The following SLX4 variants were observed in gnomAD, a reference collection of about 807,000 sequenced individuals.
The protein encoded by SLX4 is structure-specific endonuclease subunit SLX4.
Under a neutral mutation model 146.2 loss-of-function variants are expected in SLX4, and 112 were observed. The observed-to-expected ratio is 0.77, with a 90% CI of 0.66 to 0.90. SLX4 has a LOEUF of 0.90. Ranked by LOEUF, SLX4 falls within the 40% of genes least tolerant of loss-of-function variation. The pLI is 0.00. For synonymous variants in SLX4, 1,061 were observed against 997.7 expected (o/e 1.06, Z -1.20); for missense variants, 2,563 against 2,392.7 (o/e 1.07, Z -1.49).
At position 3,583,526 on chromosome 16, in the gene SLX4, G is replaced by A. The variant is rs1211075796; in HGVS notation, c.4740-16C>T. On this transcript the variant is annotated splice_polypyrimidine_tract_variant and intron_variant, in intron 13 of 14. Coordinates refer to ENST00000294008, the MANE Select transcript of SLX4 (RefSeq NM_032444.4). ...GACTCCAAACCTGACGGAGGAACAG[G>A]TGGATCTCAGGACCCACCCACACAG... 1 of 1,613,772 alleles carries A rather than the reference G, an allele frequency of 6.2e-7. No homozygotes were observed.
chr16:3,583,432 C>G lies in SLX4; in HGVS notation c.4818G>C (p.Leu1606=), dbSNP rs2151117040. The G allele has an allele frequency of 6.2e-7, 1 of 1,614,078 alleles. No homozygotes were observed. The highest frequency in any genetic ancestry group is 8.5e-7 in the Non-Finnish European group (1 of 1,179,984). Residue 1606 remains leucine (L), a synonymous_variant, in exon 14 of 15, where the codon CTG becomes CTC. Coordinates refer to ENST00000294008, the MANE Select transcript of SLX4 (RefSeq NM_032444.4). ...KEIFQYTHQT[L]DSDSEDESQS... is the part of the protein sequence containing the mutation. ...GGCTCTCGTCCTCGGAGTCTGAGTC[C>G]AGGGTCTGGTGAGTGTACTGGAATA...
chr16:3,585,090 C>T (rs568742470), intron 12 of SLX4, among the ~76,000 whole-genome samples: 4 of 152,270 alleles, frequency 2.6e-5, no homozygotes, highest in East Asian at 1.9e-4. Flanking sequence ...TTGTATAACA[C>T]GGGTGCCGGG....
At chr16:3,587,236 C>T (rs750956360) in intron 12 of SLX4, among the ~76,000 whole-genome samples, 1 of 152,206 alleles carries the variant, frequency 6.6e-6, no homozygotes, top group Non-Finnish European at 1.5e-5. Context: ...GTGGCTCACG[C>T]CTGTAATCCC....
Position 3,590,462 on chromosome 16 carries a change from G to T in SLX4, c.3176C>A (p.Pro1059His), listed in dbSNP as rs2151124146. 1 of 1,614,162 alleles carries T rather than the reference G, an allele frequency of 6.2e-7. No individual in the cohort carries two copies. The highest frequency in any genetic ancestry group is 8.5e-7 in the Non-Finnish European group (1 of 1,180,004). ...HHTSGSSLST[P>H]RSRGGTSQVG... is the part of the protein sequence containing the mutation. ...CTGGGAAGTTCCGCCACGGGACCGGGGTGTTGACAGGGACGACCCACTTGT... is the reference window on the plus strand; with the variant it reads ...CTGGGAAGTTCCGCCACGGGACCGGTGTGTTGACAGGGACGACCCACTTGT... The change falls in exon 12 of 15, where the codon CCC (proline) becomes CAC (histidine). Residue 1059 changes from proline (P) to histidine (H), a missense_variant. Physicochemically the swap from Pro to His is moderately conservative, Grantham distance 77. Coordinates refer to ENST00000294008, the MANE Select transcript of SLX4 (RefSeq NM_032444.4). The surrounding 1 kb of genome is among the most constrained non-coding windows in gnomAD (Gnocchi z 4.8).
Position 3,601,061 on chromosome 16 carries a change from C to T in SLX4, c.1081G>A (p.Glu361Lys). ...TGAAGCAGGAGCTGGGGGCCAACCT[C>T]CATCTTCACAGCACACTGCTTCAAG... The part of the protein sequence containing the change: ...SHLKQCAVKM[E>K]VGPQLLLQAV... Residue 361 changes from glutamate to lysine, a missense_variant, in exon 5 of 15, where the codon GAG (glutamate) becomes AAG (lysine). Glu to Lys is a moderately conservative substitution (Grantham distance 56). Transcript: ENST00000294008. 1.9e-6 allele frequency: 3 copies of T among 1,613,904 alleles called. No individual in the cohort carries two copies. The highest frequency in any genetic ancestry group is 2.5e-6 in the Non-Finnish European group (3 of 1,179,964).
At chr16:3,606,746 T>TA in intron 2 of SLX4, 48 bp from the exon 3 acceptor site, 1 of 1,600,054 alleles carries the variant, frequency 6.2e-7, no homozygotes, top group Non-Finnish European at 8.6e-7. Flanking sequence ...GCTGGAGAAA[T>TA]AAAAGACTTT....
Position 3,597,582 on chromosome 16 carries a change from C to T in SLX4, c.1480G>A (p.Glu494Lys), listed in dbSNP as rs2040677080. 1 of 1,614,196 alleles carries T rather than the reference C, an allele frequency of 6.2e-7. No individual in the cohort carries two copies. The highest frequency in any genetic ancestry group is 8.5e-7 in the Non-Finnish European group (1 of 1,180,054). Reference sequence around the variant, plus strand: ...GGTGGCGTGCTAGACAATTCCACTTCCTCAGAGAGGAGCAGGGCCACACGG... The same window carrying T: ...GGTGGCGTGCTAGACAATTCCACTTTCTCAGAGAGGAGCAGGGCCACACGG... ...EDRVALLLSE[E>K]VELSSTPPLP... Residue 494 changes from glutamate to lysine, a missense_variant, in exon 7 of 15, where the codon GAA becomes AAA. Coordinates refer to ENST00000294008, the MANE Select transcript of SLX4 (RefSeq NM_032444.4). This position sits in a 1 kb window ranked among gnomAD's most constrained non-coding sequence, Gnocchi z 4.4.
chr16:3,605,340 C>T (rs747955200), intron 3 of SLX4, among the ~76,000 whole-genome samples: 14 of 152,048 alleles, frequency 9.2e-5, no homozygotes, highest in African/African-American at 1.9e-4. Context: ...CTGCGCACCT[C>T]GGCCTCCCAA....
intron 12 of SLX4, among the ~76,000 whole-genome samples, chr16:3,587,536 C>G (rs534138853): frequency 1.3e-5 from 2 of 152,278 alleles, no homozygotes; most frequent in Admixed American, 1.3e-4. Context: ...GCCCTTTGAG[C>G]CCCCGATGAA....
Position 3,596,318 on chromosome 16 carries a change from G to A in SLX4, c.1759C>T (p.Leu587Phe), listed in dbSNP as rs1160606336. The A allele has an allele frequency of 6.3e-7, 1 of 1,582,294 alleles. No individual in the cohort carries two copies. Among genetic ancestry groups the A allele is most frequent in the Admixed American group, 1.8e-5 (1 of 55,278 alleles). ...CAGCCTGCAGTGGGGGTGCCGTGGA[G>A]AGCGGGTGACCTTCGCTCGCTCAGC... ...SELSERRSPALHGTPTAGCGS... is the reference protein window; with the variant it reads ...SELSERRSPAFHGTPTAGCGS... The change falls in exon 8 of 15, where the codon CTC (leucine) becomes TTC (phenylalanine). Residue 587 changes from leucine to phenylalanine, a missense_variant. Physicochemically the swap from Leu to Phe is conservative, Grantham distance 22 (BLOSUM62 0). Coordinates refer to ENST00000294008, the MANE Select transcript of SLX4 (RefSeq NM_032444.4).
rs759305861 is a variant in SLX4, at chr16:3,583,380, G to C, written c.4870C>G (p.Pro1624Ala). 1.0e-4 allele frequency: 166 copies of C among 1,613,014 alleles called. No individual in the cohort carries two copies. The highest frequency in any genetic ancestry group is 1.3e-4 in the Non-Finnish European group (150 of 1,179,206). The part of the protein sequence containing the change: ...SQSSQPLLQA[P>A]HCQTLASQTY... ...TGGGAGGCGAGGGTCTGGCAGTGAG[G>C]CGCCTGCAACAGCGGCTGTGAGGAC... Residue 1624 changes from proline (P) to alanine (A), a missense_variant, in exon 14 of 15, where the codon CCT becomes GCT. Physicochemically the swap from Pro to Ala is conservative, Grantham distance 27. Coordinates refer to ENST00000294008, the MANE Select transcript of SLX4 (RefSeq NM_032444.4).
At chr16:3,610,779 G>A (rs1392028538) in intron 1 of SLX4, among the ~76,000 whole-genome samples, 1 of 152,180 alleles carries the variant, frequency 6.6e-6, no homozygotes, top group Non-Finnish European at 1.5e-5. Context: ...TGAAATAAGT[G>A]CTCCACAACT....
In SLX4 at chr16:3,590,603, C is replaced by A; in HGVS notation, c.3035G>T (p.Arg1012Met). 1.2e-6 allele frequency: 2 copies of A among 1,613,854 alleles called. No homozygotes were observed. The highest frequency in any genetic ancestry group is 1.7e-6 in the Non-Finnish European group (2 of 1,179,758). Residue 1012 changes from arginine to methionine, a missense_variant, in exon 12 of 15, where the codon AGG becomes ATG. Physicochemically the swap from Arg to Met is moderately conservative, Grantham distance 91 (BLOSUM62 -1). Coordinates refer to ENST00000294008, the MANE Select transcript of SLX4 (RefSeq NM_032444.4). This position sits in a 1 kb window ranked among gnomAD's most constrained non-coding sequence, Gnocchi z 4.8. ...SEPEEQSGAV[R>M]ERGLEVSHRL... ...ATGAGAAACCTCCAGCCCCCTTTCC[C>A]TGACAGCGCCACTTTGTTCCTCGGG...
chr16:3,584,129 A>G (rs567718133), intron 13 of SLX4, among the ~76,000 whole-genome samples: 2 of 152,284 alleles, frequency 1.3e-5, no homozygotes, highest in South Asian at 4.1e-4. Flanking sequence ...CTTTTAAAAA[A>G]AATCAGGCCT....
At position 3,592,707 on chromosome 16, in the gene SLX4, C is replaced by G. The variant is rs767854964; in HGVS notation, c.2319G>C (p.Leu773=). 1 of 1,613,100 alleles carries G rather than the reference C, an allele frequency of 6.2e-7. No homozygotes were observed. The highest frequency in any genetic ancestry group is 2.2e-5 in the East Asian group (1 of 44,882). Residue 773 remains leucine, a synonymous_variant, in exon 11 of 15, where the codon CTG becomes CTC. Transcript: ENST00000294008. ...TGGGGAGCAATCCAGACCTGTGGGCCAGGGAGCTCAGCTCAGAGCTAAGGC... is the reference window on the plus strand; with the variant it reads ...TGGGGAGCAATCCAGACCTGTGGGCGAGGGAGCTCAGCTCAGAGCTAAGGC... The part of the protein sequence containing the change: ...PPGLSSELSS[L]AHRFGVSELV...
Position 3,590,309 on chromosome 16 carries a change from C to G in SLX4, c.3329G>C (p.Arg1110Thr), listed in dbSNP as rs2151123816. 1 of 1,614,142 alleles carries G rather than the reference C, an allele frequency of 6.2e-7. No homozygotes were observed. The highest frequency in any genetic ancestry group is 8.5e-7 in the Non-Finnish European group (1 of 1,180,030). Residue 1110 changes from arginine to threonine, a missense_variant, in exon 12 of 15, where the codon AGA becomes ACA. Physicochemically the swap from Arg to Thr is moderately conservative, Grantham distance 71. Coordinates refer to ENST00000294008, the MANE Select transcript of SLX4 (RefSeq NM_032444.4). This position sits in a 1 kb window ranked among gnomAD's most constrained non-coding sequence, Gnocchi z 4.8. ...GKERRSVLEC[R>T]NKGVLMFPEK... The stretch of plus-strand genomic sequence containing the variant: ...TGGGAACATCAGGACCCCCTTATTT[C>G]TGCACTCCAGCACGGACCGACGCTC...
Position 3,583,115 on chromosome 16 carries a change from CT to C in SLX4, c.5134del (p.Ser1712AlafsTer3), listed in dbSNP as rs1191813425. 6.2e-7 allele frequency: 1 copy of C among 1,614,280 alleles called. No individual in the cohort carries two copies. The highest frequency in any genetic ancestry group is 8.5e-7 in the Non-Finnish European group (1 of 1,180,048). The part of the protein sequence containing the change: ...SVATSVDGSD[S>X]SLSSQSSSSC... ...CGGTTACCTCTGTGAGCTCAAGGAG[CT>C]GTCACTGCCATCCACAGAGGTGGCC... On this transcript the variant is annotated frameshift_variant, in exon 14 of 15. Coordinates refer to ENST00000294008, the MANE Select transcript of SLX4 (RefSeq NM_032444.4). LOFTEE classifies it low-confidence loss of function (END_TRUNC).
At position 3,590,012 on chromosome 16, in the gene SLX4, C is replaced by T. The variant is rs768028392; in HGVS notation, c.3626G>A (p.Arg1209Lys). The T allele has an allele frequency of 6.2e-7, 1 of 1,614,146 alleles. No homozygotes were observed. The highest frequency in any genetic ancestry group is 1.7e-5 in the Admixed American group (1 of 60,016). Residue 1209 changes from arginine to lysine, a missense_variant, in exon 12 of 15, where the codon AGA becomes AAA. Arg to Lys is a conservative substitution (Grantham distance 26). Coordinates refer to ENST00000294008, the MANE Select transcript of SLX4 (RefSeq NM_032444.4). This position sits in a 1 kb window ranked among gnomAD's most constrained non-coding sequence, Gnocchi z 4.8. ...ADQEPSQSPPRSEAVLQQEDE... is the reference protein window; with the variant it reads ...ADQEPSQSPPKSEAVLQQEDE... ...CTCCTGCTGCAGCACAGCTTCGCTT[C>T]TTGGTGGGCTCTGGGAAGGTTCCTG...
rs2040819956 is a variant in SLX4 at position 3,609,119 on chromosome 16, C to T, written c.-155G>A. 3 of 920,442 alleles carry T rather than the reference C, an allele frequency of 3.3e-6. No individual in the cohort carries two copies. The highest frequency in any genetic ancestry group is 4.9e-6 in the Non-Finnish European group (3 of 609,506). The allele number at this position is 920,442 out of a possible 1,614,324, so 57.0% of individuals were successfully genotyped here. A position where few individuals can be genotyped will look rare whatever the true frequency, so the allele number is the denominator to read the frequency against. On this transcript the variant is annotated 5_prime_UTR_variant, in exon 2 of 15. Coordinates refer to ENST00000294008, the MANE Select transcript of SLX4 (RefSeq NM_032444.4). ...AGCTTCCCTCTGTTAAAGTCCACAA[C>T]TGGGCCGGGCGCGGTGGCTCACACT...
Sources: gnomAD v4.1 joint callset for allele counts (sites outside exome capture counted in the v4.1 genomes callset) on GRCh38, gnomAD v4.1.1 for gene constraint, Gnocchi (gnomAD v3.1) non-coding constraint, MANE v1.5 for transcripts, NCBI Gene and HGNC (gene_info 2026-07-23, HGNC 2026-07-21) for gene names.